ERFL: variants seen among roughly 807,000 people sequenced by gnomAD.
The protein encoded by ERFL is ETS repressor factor like.
A neutral mutation model predicts 27.9 loss-of-function variants in ERFL; 8 were observed. The ratio of observed to expected loss-of-function variants is 0.29; its 90% CI spans 0.17 to 0.52. The LOEUF is 0.52. ERFL is among the 20% of genes least tolerant of loss of function. The probability of loss-of-function intolerance (pLI) is 0.97; values close to 1 mark genes in which losing one functional copy is unlikely to be tolerated. For missense variants in ERFL, 294 were observed against 444.4 expected (o/e 0.66, Z 3.04); for synonymous variants, 174 against 202.8 (o/e 0.86, Z 1.21).
chr19:41,915,388 C>T (rs1355482518), intron 1 of ERFL, among the ~76,000 whole-genome samples: 6 of 151,538 alleles, frequency 4.0e-5, no homozygotes, highest in South Asian at 2.1e-4. Context: ...TCGCCTCTGC[C>T]GCCCTGTCCC....
Position 41,917,831 on chromosome 19 carries a change from G to A in ERFL, c.-13-4899C>T, listed in dbSNP as rs1568834064. ...CCATGCACAGCCCCAGCCATGGGAC[G>A]GCTGCCAGCCCCACCCATCTGTTGC... On this transcript the variant is annotated intron_variant, in intron 1 of 5. Transcript: ENST00000597630. The surrounding 1 kb of genome is among the most constrained non-coding windows in gnomAD (Gnocchi z 4.8). Among the ~76,000 whole-genome samples the A allele has an allele frequency of 1.3e-5, 2 of 151,638 alleles. No individual in the cohort carries two copies. Among genetic ancestry groups the A allele is most frequent in the Admixed American group, 6.6e-5 (1 of 15,244 alleles).
At chr19:41,913,606 C>T (rs563672139) in intron 1 of ERFL, among the ~76,000 whole-genome samples, 1 of 151,816 alleles carries the variant, frequency 6.6e-6, no homozygotes, top group South Asian at 2.1e-4. Context: ...CCTAGACCTG[C>T]TGCTCACCCT....
intron 2 of ERFL, among the ~76,000 whole-genome samples, chr19:41,911,848 G>A (rs1039112278): frequency 4.6e-5 from 7 of 151,996 alleles, no homozygotes; most frequent in Non-Finnish European, 1.0e-4. Context: ...GCTAGAGAGA[G>A]GACCCCCAAA....
At chr19:41,925,633 G>T (rs567765059) in intron 1 of ERFL, among the ~76,000 whole-genome samples, 1 of 152,084 alleles carries the variant, frequency 6.6e-6, no homozygotes, top group Admixed American at 6.6e-5. Context: ...ATCAGGTGGT[G>T]CTTGGGGTTA....
intron 1 of ERFL, among the ~76,000 whole-genome samples, chr19:41,915,247 G>A (rs1037608820): frequency 6.0e-5 from 9 of 148,972 alleles, no homozygotes; most frequent in Non-Finnish European, 8.9e-5. Context: ...CCGTGGGATC[G>A]GCGCTCCGGG....
intron 1 of ERFL, among the ~76,000 whole-genome samples, chr19:41,924,675 G>C (rs1299680832): frequency 6.6e-6 from 1 of 152,128 alleles, no homozygotes; most frequent in Non-Finnish European, 1.5e-5. Context: ...GATAACCTCG[G>C]ACTTAAGATG....
chr19:41,912,886 C>A lies in ERFL; in HGVS notation c.34G>T (p.Ala12Ser). The A allele has an allele frequency of 8.1e-7, 1 of 1,231,236 alleles. No individual in the cohort carries two copies. The highest frequency in any genetic ancestry group is 1.0e-6 in the Non-Finnish European group (1 of 987,812). The allele number at this position is 1,231,236 out of a possible 1,614,324, so 76.3% of individuals were successfully genotyped here. A position where few individuals can be genotyped will look rare whatever the true frequency, so the allele number is the denominator to read the frequency against. Residue 12 changes from alanine (A) to serine (S), a missense_variant, in exon 2 of 6, where the codon GCC becomes TCC. Ala to Ser is a moderately conservative substitution (Grantham distance 99). Transcript: ENST00000597630. ...CAGAGAGCCGGCAGGGCGGGCGGGG[C>A]GAAGAGAAGGTCGGAGACGCAGCTA... is the stretch of plus-strand genomic sequence containing the variant. Reference protein sequence around the residue: ...DCSCVSDLLFAPPALPALWTP... With the variant: ...DCSCVSDLLFSPPALPALWTP...
At position 41,918,319 on chromosome 19, in the gene ERFL, A is replaced by G. The variant is rs371401614; in HGVS notation, c.-13-5387T>C. 4.4e-4 allele frequency among the ~76,000 whole-genome samples: 66 copies of G among 151,480 alleles called. 1 individual carries two copies. The highest frequency in any genetic ancestry group is 1.5e-3 in the African/African-American group (63 of 41,220). ...ACAGACACACCTAGCCCCACACACCACATACACACACACGGTACACACCAC... is the reference window on the plus strand; with the variant it reads ...ACAGACACACCTAGCCCCACACACCGCATACACACACACGGTACACACCAC... On this transcript the variant is annotated intron_variant, in intron 1 of 5. Transcript: ENST00000597630.
Position 41,908,603 on chromosome 19 carries a change from G to A in ERFL, c.690C>T (p.Asn230=). 1.6e-6 allele frequency: 2 copies of A among 1,231,824 alleles called. No individual in the cohort carries two copies. The highest frequency in any genetic ancestry group is 2.0e-6 in the Non-Finnish European group (2 of 988,124). The allele number at this position is 1,231,824 out of a possible 1,614,324, so 76.3% of individuals were successfully genotyped here. A position where few individuals can be genotyped will look rare whatever the true frequency, so the allele number is the denominator to read the frequency against. ...YGRAFPEYPW[N]FNPYLTGPFP... ...AGGGGCCCGTGAGGTACGGGTTAAA[G>A]TTCCAGGGGTACTCAGGGAAGGCGC... is the stretch of plus-strand genomic sequence containing the variant. Residue 230 remains asparagine (N), a synonymous_variant, in exon 6 of 6, where the codon AAC becomes AAT. Coordinates refer to ENST00000597630, the MANE Select transcript of ERFL (RefSeq NM_001365103.2). This position sits in a 1 kb window ranked among gnomAD's most constrained non-coding sequence, Gnocchi z 6.7.
chr19:41,913,172 A>C (rs2074764345), intron 1 of ERFL, among the ~76,000 whole-genome samples: 1 of 142,334 alleles, frequency 7.0e-6, no homozygotes, highest in Non-Finnish European at 1.5e-5. Context: ...CCTCCTCCTC[A>C]CTCGGTGCCT....
rs1266768210 is a variant in ERFL, at chr19:41,916,188, C to T, written c.-13-3256G>A. 2.0e-5 allele frequency among the ~76,000 whole-genome samples: 3 copies of T among 151,832 alleles called. No individual in the cohort carries two copies. Among genetic ancestry groups the T allele is most frequent in the Non-Finnish European group, 4.4e-5 (3 of 67,942 alleles). The stretch of plus-strand genomic sequence containing the variant: ...ACCAACCCAGGCACGCACACCACCA[C>T]GTCCCACACAGCACACATCGCACAG... On this transcript the variant is annotated intron_variant, in intron 1 of 5. Coordinates refer to ENST00000597630, the MANE Select transcript of ERFL (RefSeq NM_001365103.2). This position sits in a 1 kb window ranked among gnomAD's most constrained non-coding sequence, Gnocchi z 5.4.
At chr19:41,919,815 T>C (rs11881986) in intron 1 of ERFL, among the ~76,000 whole-genome samples, 40,333 of 151,672 alleles carry the variant, frequency 0.27, 11,559 homozygotes, top group African/African-American at 0.72. Flanking sequence ...CCCTGAGGCC[T>C]ACCCTGCACA....
At chr19:41,925,288 C>G (rs577436739) in intron 1 of ERFL, among the ~76,000 whole-genome samples, 319 of 151,548 alleles carry the variant, frequency 2.1e-3, no homozygotes, top group African/African-American at 7.5e-3. Context: ...CCTTGTGCAG[C>G]AAGAGAGAGA....
chr19:41,912,369 C>T (rs1037378396), intron 2 of ERFL, among the ~76,000 whole-genome samples: 59 of 152,334 alleles, frequency 3.9e-4, no homozygotes, highest in African/African-American at 1.4e-3. Flanking sequence ...CCAGCTTCAC[C>T]GTCCACCAAC....
At position 41,921,940 on chromosome 19, in the gene ERFL, TCTC is replaced by T. The variant is rs782095689; in HGVS notation, c.-14+6097_-14+6099del. Among the ~76,000 whole-genome samples, 17 of 86,614 alleles carry T rather than the reference TCTC, an allele frequency of 2.0e-4. No individual in the cohort carries two copies. The highest frequency in any genetic ancestry group is 3.6e-4 in the Non-Finnish European group (16 of 44,966). 56.8% of individuals were successfully genotyped at this position (86,614 alleles called of 152,430 possible). On this transcript the variant is annotated intron_variant, in intron 1 of 5. Coordinates refer to ENST00000597630, the MANE Select transcript of ERFL (RefSeq NM_001365103.2). The surrounding 1 kb of genome is among the most constrained non-coding windows in gnomAD (Gnocchi z 4.4). ...CCAGACCCCAGCTCCATCCTCTACC[TCTC>T]CTCCTGGTCCTCATCCCCAACTCCC... is the stretch of plus-strand genomic sequence containing the variant.
In ERFL at chr19:41,917,258, C is replaced by A. The variant is rs1312994347; in HGVS notation, c.-13-4326G>T. ...GTGTCTCTGTTTCCCCCATCTCTCTCTCTGGGTGCATCTCTCTGTCTCTCT... is the reference window on the plus strand; with the variant it reads ...GTGTCTCTGTTTCCCCCATCTCTCTATCTGGGTGCATCTCTCTGTCTCTCT... On this transcript the variant is annotated intron_variant, in intron 1 of 5. Transcript: ENST00000597630. This position sits in a 1 kb window ranked among gnomAD's most constrained non-coding sequence, Gnocchi z 4.8. Among the ~76,000 whole-genome samples, 1 of 152,140 alleles carries A rather than the reference C, an allele frequency of 6.6e-6. No individual in the cohort carries two copies. The highest frequency in any genetic ancestry group is 1.9e-4 in the East Asian group (1 of 5,190).
Position 41,913,949 on chromosome 19 carries a change from C to G in ERFL, c.-13-1017G>C, listed in dbSNP as rs938899831. Among the ~76,000 whole-genome samples, 13 of 150,968 alleles carry G rather than the reference C, an allele frequency of 8.6e-5. No homozygotes were observed. In the East Asian group the frequency reaches 1.6e-3, roughly 18 times the overall value. On this transcript the variant is annotated intron_variant, in intron 1 of 5. Transcript: ENST00000597630. Reference sequence around the variant, plus strand: ...CTCTGGAGCACCTTCTTCCTGGAGACCCCCCAGACGCTCTCAAAAACCCAC... The same window carrying G: ...CTCTGGAGCACCTTCTTCCTGGAGAGCCCCCAGACGCTCTCAAAAACCCAC...
Position 41,910,200 on chromosome 19 carries a change from G to T in ERFL, c.68-103C>A. ...CTGGGAGGCATGTAGTTCTCCTCCA[G>T]TCTCAGGCATCTTTAGGGACCTGGT... On this transcript the variant is annotated intron_variant, in intron 2 of 5. Coordinates refer to ENST00000597630, the MANE Select transcript of ERFL (RefSeq NM_001365103.2). This position sits in a 1 kb window ranked among gnomAD's most constrained non-coding sequence, Gnocchi z 4.4. 1.7e-6 allele frequency: 2 copies of T among 1,143,646 alleles called. No individual in the cohort carries two copies. Among genetic ancestry groups the T allele is most frequent in the Non-Finnish European group, 2.5e-6 (2 of 814,376 alleles). 70.8% of individuals were successfully genotyped at this position (1,143,646 alleles called of 1,614,324 possible). A position where few individuals can be genotyped will look rare whatever the true frequency, so the allele number is the denominator to read the frequency against.
chr19:41,911,295 C>T, intron 2 of ERFL, among the ~76,000 whole-genome samples: 1 of 152,240 alleles, frequency 6.6e-6, no homozygotes. Context: ...TCTTATGCCA[C>T]ATCCTCTGTC....
Sources: allele counts gnomAD v4.1 joint callset (sites outside exome capture counted in the v4.1 genomes callset), GRCh38; gene constraint gnomAD v4.1.1; non-coding constraint Gnocchi (gnomAD v3.1); transcripts MANE v1.5; gene names NCBI Gene and HGNC (gene_info 2026-07-23, HGNC 2026-07-21).